The following SND1 variants were observed in gnomAD, a reference collection of about 807,000 sequenced individuals.
The protein encoded by SND1 is staphylococcal nuclease and tudor domain containing 1.
In SND1, 38 loss-of-function variants were observed where a neutral mutation model predicts 121.7. The ratio of observed to expected loss-of-function variants is 0.31; its 90% CI spans 0.24 to 0.41. SND1 has a LOEUF of 0.41. Among genes scored for constraint, SND1 ranks in the 10% least tolerant of loss-of-function variants. SND1 has a pLI of 1.00. For synonymous variants in SND1, 401 were observed against 447.4 expected, an observed-to-expected ratio of 0.90 and a Z score of 1.31; for missense variants, 868 against 1,184.6, an observed-to-expected ratio of 0.73 and a Z score of 3.92.
At position 128,051,154 on chromosome 7, in the gene SND1, A is replaced by T. The variant is rs10231026; in HGVS notation, c.1780-23348A>T. Among the ~76,000 whole-genome samples the T allele has an allele frequency of 6.8e-4, 104 of 152,260 alleles. 1 individual carries two copies. Among genetic ancestry groups the T allele is most frequent in the African/African-American group, 2.2e-3 (93 of 41,526 alleles). ...CCCAGTGCAGGAGTTTTCCTCCTGG[A>T]CAGTGTCACCAAATCCTTCCCATGG... is the stretch of plus-strand genomic sequence containing the variant. On this transcript the variant is annotated intron_variant, in intron 16 of 23. Transcript: ENST00000354725.
intron 10 of SND1, among the ~76,000 whole-genome samples, chr7:127,746,207 A>G (rs1030083646): frequency 2.6e-5 from 4 of 152,190 alleles, no homozygotes; most frequent in African/African-American, 9.6e-5. Flanking sequence ...ACTTTATTTC[A>G]TAGCATAGTC....
At chr7:127,739,845 A>G (rs1393597607) in intron 10 of SND1, among the ~76,000 whole-genome samples, 3 of 152,228 alleles carry the variant, frequency 2.0e-5, no homozygotes, top group African/African-American at 7.2e-5. Flanking sequence ...CTGTCTGGAC[A>G]AGGAATCAGG....
At chr7:127,863,016 A>G (rs759729453) in intron 12 of SND1, among the ~76,000 whole-genome samples, 4 of 152,218 alleles carry the variant, frequency 2.6e-5, no homozygotes, top group Non-Finnish European at 5.9e-5. Flanking sequence ...ATTTTTTAGT[A>G]GAAAGACATC....
chr7:127,950,176 A>G (rs921770452), intron 15 of SND1, among the ~76,000 whole-genome samples: 1 of 151,658 alleles, frequency 6.6e-6, no homozygotes, highest in African/African-American at 2.4e-5. Flanking sequence ...TGATTTGCAG[A>G]CCCCTCTTTT....
chr7:128,031,545 C>CA (rs1347465459), intron 16 of SND1: 4 of 151,080 alleles, frequency 2.6e-5, no homozygotes, highest in Admixed American at 2.6e-4. Context: ...GTGGAAGAGA[C>CA]AAAAACGGGG....
chr7:128,063,581 G>A (rs1350031033), intron 16 of SND1, among the ~76,000 whole-genome samples: 2 of 152,310 alleles, frequency 1.3e-5, no homozygotes, highest in East Asian at 1.9e-4. Flanking sequence ...CACTGCTGGC[G>A]ATCTGGAGAA....
intron 10 of SND1, among the ~76,000 whole-genome samples, chr7:127,740,497 A>G (rs566405516): frequency 1.7e-4 from 26 of 152,318 alleles, no homozygotes; most frequent in African/African-American, 6.3e-4. Context: ...AGAACCGATT[A>G]TTGCCTGCTT....
chr7:127,710,928 T>C (rs1330511251), intron 9 of SND1, among the ~76,000 whole-genome samples: 1 of 152,226 alleles, frequency 6.6e-6, no homozygotes, highest in Admixed American at 6.5e-5. Flanking sequence ...CTATATAGCA[T>C]ATTATGGCTA....
chr7:127,812,008 T>C (rs1798343478), intron 11 of SND1, among the ~76,000 whole-genome samples: 1 of 152,190 alleles, frequency 6.6e-6, no homozygotes, highest in South Asian at 2.1e-4. Context: ...GAGAACTTTG[T>C]TTTCACTTTT....
intron 15 of SND1, among the ~76,000 whole-genome samples, chr7:127,962,723 C>G (rs1396820723): frequency 6.6e-6 from 1 of 152,174 alleles, no homozygotes; most frequent in Non-Finnish European, 1.5e-5. Flanking sequence ...TGAAAACTAT[C>G]CGACTGTCTG....
At chr7:127,990,881 T>C (rs1208345466) in intron 15 of SND1, 66 bp from the exon 16 acceptor site, 1 of 1,120,446 alleles carries the variant, frequency 8.9e-7, no homozygotes, top group African/African-American at 1.5e-5. Context: ...CAGGGGACCG[T>C]CCTTATTGGA....
intron 2 of SND1, among the ~76,000 whole-genome samples, chr7:127,693,303 C>G (rs963428026): frequency 2.6e-5 from 4 of 152,068 alleles, no homozygotes; most frequent in Admixed American, 1.3e-4. Flanking sequence ...GACATAAAAT[C>G]AAGGTGAACT....
At position 128,008,759 on chromosome 7, in the gene SND1, C is replaced by G. The variant is rs1467749012; in HGVS notation, c.1779+17703C>G. Reference sequence around the variant, plus strand: ...GGTTTCTCCCACCCTGTAGCAGAGGCAGGTTACCCTTCTTGTTAGCAGTGA... The same window carrying G: ...GGTTTCTCCCACCCTGTAGCAGAGGGAGGTTACCCTTCTTGTTAGCAGTGA... On this transcript the variant is annotated intron_variant, in intron 16 of 23. Transcript: ENST00000354725. Among the ~76,000 whole-genome samples the G allele has an allele frequency of 3.3e-5, 5 of 152,200 alleles. No homozygotes were observed. The South Asian group carries it at 1.0e-3, about 31-fold the overall frequency.
chr7:127,748,175 G>A (rs1281831980), intron 10 of SND1, among the ~76,000 whole-genome samples: 1 of 152,192 alleles, frequency 6.6e-6, no homozygotes, highest in African/African-American at 2.4e-5. Context: ...TCTCCACTGT[G>A]CCTGTGATTC....
At chr7:127,723,763 C>A (rs1045295685) in intron 10 of SND1, among the ~76,000 whole-genome samples, 1 of 152,208 alleles carries the variant, frequency 6.6e-6, no homozygotes, top group African/African-American at 2.4e-5. Context: ...ATGAGCCACA[C>A]ATGTGAGCTC....
At chr7:127,979,824 A>C (rs1298904384) in intron 15 of SND1, among the ~76,000 whole-genome samples, 1 of 152,218 alleles carries the variant, frequency 6.6e-6, no homozygotes, top group Non-Finnish European at 1.5e-5. Context: ...TTTTTGTCTT[A>C]ACCATTCAAA....
intron 15 of SND1, among the ~76,000 whole-genome samples, chr7:127,969,702 T>C (rs1428717950): frequency 6.6e-6 from 1 of 152,168 alleles, no homozygotes; most frequent in Non-Finnish European, 1.5e-5. Context: ...CATTCCATCC[T>C]GGGCAGCAGA....
At chr7:127,864,706 A>G (rs570742892) in intron 12 of SND1, among the ~76,000 whole-genome samples, 38 of 152,274 alleles carry the variant, frequency 2.5e-4, no homozygotes, top group Middle Eastern at 3.4e-3. Context: ...ATCTAATTGA[A>G]GGCACTTCCC....
Position 128,078,551 on chromosome 7 carries a change from G to A in SND1, c.1969-2809G>A, listed in dbSNP as rs1258296003. The stretch of plus-strand genomic sequence containing the variant: ...TACAGGACTGGCCCTAGTGCTGGGG[G>A]CTGAGGGCCATCCCCAAGGCTTTGG... On this transcript the variant is annotated intron_variant, in intron 17 of 23. Transcript: ENST00000354725. Among the ~76,000 whole-genome samples the A allele has an allele frequency of 2.0e-5, 3 of 152,224 alleles. 1 individual carries two copies. The South Asian group carries it at 6.2e-4, about 31-fold the overall frequency.
Sources: gnomAD v4.1 joint callset for allele counts (sites outside exome capture counted in the v4.1 genomes callset) on GRCh38, gnomAD v4.1.1 for gene constraint, MANE v1.5 for transcripts, NCBI Gene and HGNC (gene_info 2026-07-23, HGNC 2026-07-21) for gene names.